Variants in NSD1 observed in about 807,000 individuals in gnomAD.
NSD1 encodes the protein histone-lysine N-methyltransferase, H3 lysine-36 specific.
A neutral mutation model predicts 242.7 loss-of-function variants in NSD1; 26 were observed. The ratio of observed to expected loss-of-function variants is 0.11; its 90% CI spans 0.08 to 0.15. The LOEUF (loss-of-function observed/expected upper bound fraction) is 0.15. Ranked by LOEUF, NSD1 falls within the 10% of genes least tolerant of loss-of-function variation. The probability of loss-of-function intolerance (pLI) is 1.00; values close to 1 mark genes in which losing one functional copy is unlikely to be tolerated. For missense variants in NSD1, 2,495 were observed against 3,272.8 expected (o/e 0.76, Z 5.80); for synonymous variants, 1,106 against 1,178.1 (o/e 0.94, Z 1.25).
chr5:177,158,967 CACAT>C (rs1301561952), intron 2 of NSD1, among the ~76,000 whole-genome samples: 46 of 133,296 alleles, frequency 3.5e-4, no homozygotes, highest in Middle Eastern at 3.3e-3. Context: ...TATATACACA[CACAT>C]ATATACACAC....
At chr5:177,270,638 C>T (rs748078331) in intron 16 of NSD1, among the ~76,000 whole-genome samples, 1 of 152,180 alleles carries the variant, frequency 6.6e-6, no homozygotes, top group Non-Finnish European at 1.5e-5. Flanking sequence ...GGATTACATC[C>T]AGGTAAACCA....
At chr5:177,169,226 C>A (rs1759488640) in intron 2 of NSD1, among the ~76,000 whole-genome samples, 1 of 152,146 alleles carries the variant, frequency 6.6e-6, no homozygotes, top group African/African-American at 2.4e-5. Flanking sequence ...ATCCACTGAG[C>A]TGGTCATTGC....
chr5:177,250,140 C>T (rs1372704903), intron 11 of NSD1, among the ~76,000 whole-genome samples: 2 of 152,154 alleles, frequency 1.3e-5, no homozygotes, highest in Admixed American at 1.3e-4. Context: ...TAAACTCAGA[C>T]CAGAAAATGT....
intron 13 of NSD1, 77 bp downstream of exon 13, chr5:177,257,228 C>CTT (rs373383515): frequency 6.6e-3 from 4,836 of 732,670 alleles, no homozygotes; most frequent in Admixed American, 9.0e-3. Context: ...TTTTTTCTTT[C>CTT]TTTTTTTTTT....
intron 19 of NSD1, 123 bp from the exon 20 acceptor site, chr5:177,283,664 C>T: frequency 8.8e-7 from 1 of 1,138,362 alleles, no homozygotes; most frequent in East Asian, 2.4e-5. Context: ...TCTTTGGGAT[C>T]TTTTCTCTGA....
At chr5:177,184,476 T>C (rs1270278093) in intron 2 of NSD1, among the ~76,000 whole-genome samples, 1 of 152,180 alleles carries the variant, frequency 6.6e-6, no homozygotes, top group East Asian at 1.9e-4. Context: ...TTGATTGTTA[T>C]ATTTTTCTTT....
At chr5:177,158,957 TATATACACACAC>T (rs1194653556) in intron 2 of NSD1, among the ~76,000 whole-genome samples, 11 of 143,528 alleles carry the variant, frequency 7.7e-5, no homozygotes, top group African/African-American at 3.0e-4. Context: ...CACACATATA[TATATACACACAC>T]ATATATACAC....
At chr5:177,288,056 T>G (rs1396993502) in intron 20 of NSD1, among the ~76,000 whole-genome samples, 1 of 152,230 alleles carries the variant, frequency 6.6e-6, no homozygotes, top group Non-Finnish European at 1.5e-5. Flanking sequence ...CCTCTTCACA[T>G]ATTTATGTAA....
intron 3 of NSD1, among the ~76,000 whole-genome samples, chr5:177,197,212 A>G (rs1762166921): frequency 1.3e-5 from 2 of 150,988 alleles, no homozygotes; most frequent in South Asian, 2.1e-4. Flanking sequence ...GGAAGTTGCA[A>G]TGAGCCGAGA....
At position 177,238,357 on chromosome 5, in the gene NSD1, G is replaced by C; in HGVS notation, c.4042G>C (p.Glu1348Gln). The C allele has an allele frequency of 6.2e-7, 1 of 1,614,066 alleles. No individual in the cohort carries two copies. Among genetic ancestry groups the C allele is most frequent in the Non-Finnish European group, 8.5e-7 (1 of 1,179,970 alleles). ...TKEEPPVLER[E>Q]APFLEGPLAQ... ...AGAAGAGCCTCCAGTTCTTGAAAGGGAGGCTCCGTTTTTGGAGGGCCCCTT... is the reference window on the plus strand; with the variant it reads ...AGAAGAGCCTCCAGTTCTTGAAAGGCAGGCTCCGTTTTTGGAGGGCCCCTT... The change falls in exon 7 of 23, where the codon GAG becomes CAG. Residue 1348 changes from glutamate (E) to glutamine (Q), a missense_variant. Transcript: ENST00000439151. This position sits in a 1 kb window ranked among gnomAD's most constrained non-coding sequence, Gnocchi z 4.6.
chr5:177,268,270 G>A (rs977974590), intron 15 of NSD1, among the ~76,000 whole-genome samples: 7 of 144,694 alleles, frequency 4.8e-5, no homozygotes, highest in African/African-American at 1.8e-4. Flanking sequence ...CACTGCACCC[G>A]GCCACTTTTT....
chr5:177,221,886 A>G, intron 5 of NSD1, among the ~76,000 whole-genome samples: 1 of 146,168 alleles, frequency 6.8e-6, no homozygotes, highest in Non-Finnish European at 1.5e-5. Context: ...CTCAGCTCAC[A>G]GCAACCTTTG....
rs879308547 is a variant in NSD1, at chr5:177,245,264, C to T, written c.4378+994C>T. 8.5e-5 allele frequency among the ~76,000 whole-genome samples: 13 copies of T among 152,198 alleles called. 1 individual carries two copies. Among genetic ancestry groups the T allele is most frequent in the Admixed American group, 7.9e-4 (12 of 15,282 alleles). ...ATAATAGTAGTAATAATAATAACAA[C>T]AGCTCTTTTCCTGTATTTTTATATT... is the stretch of plus-strand genomic sequence containing the variant. On this transcript the variant is annotated intron_variant, in intron 9 of 22. Coordinates refer to ENST00000439151, the MANE Select transcript of NSD1 (RefSeq NM_022455.5).
chr5:177,288,787 A>G, intron 20 of NSD1, 32 bp from the exon 21 acceptor site: 1 of 1,403,192 alleles, frequency 7.1e-7, no homozygotes, highest in East Asian at 2.3e-5. Context: ...TTAAAACCAT[A>G]GATATTAATA....
chr5:177,292,571 T>C (rs1459292619), intron 22 of NSD1, among the ~76,000 whole-genome samples: 1 of 152,138 alleles, frequency 6.6e-6, no homozygotes, highest in East Asian at 1.9e-4. Flanking sequence ...GAAAGAAAGA[T>C]TGAGATAGTA....
rs1394599761 is a variant in NSD1 at position 177,139,357 on chromosome 5, A to G, written c.927+3327A>G. Among the ~76,000 whole-genome samples the G allele has an allele frequency of 5.9e-5, 9 of 151,770 alleles. No homozygotes were observed. In the East Asian group the frequency reaches 1.6e-3, roughly 26 times the overall value. On this transcript the variant is annotated intron_variant, in intron 2 of 22. Coordinates refer to ENST00000439151, the MANE Select transcript of NSD1 (RefSeq NM_022455.5). Reference sequence around the variant, plus strand: ...CAGGCTCGGGAGGTTGAGGCAGGAGAATCACTTGAACCCGGGAGGCGGAGG... The same window carrying G: ...CAGGCTCGGGAGGTTGAGGCAGGAGGATCACTTGAACCCGGGAGGCGGAGG...
rs1161327094 is a variant in NSD1 at position 177,298,236 on chromosome 5, C to T, written c.*2777C>T. ...GAATTGGAGTGAAAAGGAAATCTTT[C>T]ATCTTAGAAAACTTCTGGTCCTTAA... On this transcript the variant is annotated 3_prime_UTR_variant, in exon 23 of 23. Transcript: ENST00000439151. The T allele has an allele frequency of 4.3e-6, 1 of 233,068 alleles. No individual in the cohort carries two copies. Among genetic ancestry groups the T allele is most frequent in the Non-Finnish European group, 8.5e-6 (1 of 118,038 alleles). The allele number at this position is 233,068 out of a possible 1,614,324, so 14.4% of individuals were successfully genotyped here. A position where few individuals can be genotyped will look rare whatever the true frequency, so the allele number is the denominator to read the frequency against.
chr5:177,168,559 A>G (rs575687513), intron 2 of NSD1, among the ~76,000 whole-genome samples: 1 of 150,724 alleles, frequency 6.6e-6, no homozygotes, highest in Admixed American at 6.7e-5. Context: ...TCCCGGGTTC[A>G]AGTGATTTCT....
intron 4 of NSD1, among the ~76,000 whole-genome samples, chr5:177,204,636 C>A (rs1050396256): frequency 6.6e-6 from 1 of 152,072 alleles, no homozygotes; most frequent in Non-Finnish European, 1.5e-5. Context: ...CTGTGCCTGG[C>A]CCGGCCTTTT....
Sources: gnomAD v4.1 joint callset for allele counts (sites outside exome capture counted in the v4.1 genomes callset) on GRCh38, gnomAD v4.1.1 for gene constraint, Gnocchi (gnomAD v3.1) non-coding constraint, MANE v1.5 for transcripts, NCBI Gene and HGNC (gene_info 2026-07-23, HGNC 2026-07-21) for gene names.